The following MICU3 variants were observed in gnomAD, a reference collection of about 807,000 sequenced individuals.
MICU3 encodes the protein mitochondrial calcium uptake 3.
MICU3 carries 62 observed loss-of-function variants against 66.5 expected under a neutral mutation model. The ratio of observed to expected loss-of-function variants is 0.93; its 90% CI spans 0.76 to 1.15. The LOEUF (loss-of-function observed/expected upper bound fraction) is 1.15, where lower values mean the gene tolerates loss of function less well. Among genes scored for constraint, MICU3 ranks in the 50% most tolerant of loss-of-function variants. MICU3 has a pLI of 0.00. For synonymous variants in MICU3, 308 were observed against 240.7 expected (o/e 1.28, Z -2.59); for missense variants, 779 against 664.4 (o/e 1.17, Z -1.90).
intron 2 of MICU3, among the ~76,000 whole-genome samples, chr8:17,067,430 AT>A (rs148975949): frequency 0.15 from 22,628 of 146,060 alleles, 2,184 homozygotes; most frequent in East Asian, 0.38. Flanking sequence ...CATAGCCATG[AT>A]TTTTTTTTTT....
At chr8:17,049,682 A>C (rs1815726557) in intron 1 of MICU3, 2 of 511,632 alleles carry the variant, frequency 3.9e-6, no homozygotes, top group Non-Finnish European at 7.8e-6. Flanking sequence ...TAATGTGAAA[A>C]AACACTGGGT....
chr8:17,032,475 G>T (rs181608521), intron 1 of MICU3, among the ~76,000 whole-genome samples: 5 of 151,802 alleles, frequency 3.3e-5, no homozygotes, highest in African/African-American at 1.2e-4. Flanking sequence ...TGATTTGTTC[G>T]CCTTAAAAAG....
intron 1 of MICU3, among the ~76,000 whole-genome samples, chr8:17,046,241 A>G (rs566749226): frequency 6.3e-4 from 96 of 152,236 alleles, no homozygotes; most frequent in Non-Finnish European, 5.9e-5. Flanking sequence ...ATCTAGCACT[A>G]TCTCCAGGTA....
At chr8:17,038,952 C>CAA (rs57441494) in intron 1 of MICU3, among the ~76,000 whole-genome samples, 2 of 120,142 alleles carry the variant, frequency 1.7e-5, no homozygotes, top group Non-Finnish European at 1.9e-5. Context: ...GACTCTGTCT[C>CAA]AAAAAAAAAA....
chr8:17,068,774 AT>A (rs1819095561), intron 2 of MICU3, among the ~76,000 whole-genome samples: 1 of 152,156 alleles, frequency 6.6e-6, no homozygotes, highest in Non-Finnish European at 1.5e-5. Flanking sequence ...GTAATTTTGA[AT>A]TTGATATATT....
At chr8:17,050,920 T>G (rs914550104) in intron 1 of MICU3, among the ~76,000 whole-genome samples, 2 of 152,190 alleles carry the variant, frequency 1.3e-5, no homozygotes, top group African/African-American at 4.8e-5. Context: ...TTTTGCTGTG[T>G]TATTATGAGC....
chr8:17,137,447 G>C, the MICU3 span, among the ~76,000 whole-genome samples: 6 of 149,056 alleles, frequency 4.0e-5, no homozygotes, highest in African/African-American at 1.5e-4. Context: ...GACAAGTTGA[G>C]AGAGACAGAC....
At chr8:17,036,128 T>G (rs1812935782) in intron 1 of MICU3, among the ~76,000 whole-genome samples, 1 of 152,132 alleles carries the variant, frequency 6.6e-6, no homozygotes, top group East Asian at 1.9e-4. Flanking sequence ...GTTCGGAGTT[T>G]CTTCCTTCTG....
the MICU3 span, among the ~76,000 whole-genome samples, chr8:17,136,697 A>G: frequency 6.6e-6 from 1 of 151,922 alleles, no homozygotes; most frequent in Non-Finnish European, 1.5e-5. Context: ...GGGTGCAGGT[A>G]TAGATAGGAG....
chr8:17,052,019 C>T (rs1296343491), intron 1 of MICU3, among the ~76,000 whole-genome samples: 2 of 152,058 alleles, frequency 1.3e-5, no homozygotes, highest in Non-Finnish European at 2.9e-5. Context: ...GAACCAAAGT[C>T]TGAATAGGCA....
intron 2 of MICU3, among the ~76,000 whole-genome samples, chr8:17,065,492 T>G (rs1218217701): frequency 6.6e-6 from 1 of 152,084 alleles, no homozygotes; most frequent in African/African-American, 2.4e-5. Context: ...GACTAGGCCT[T>G]GAGGAATTTC....
intron 12 of MICU3, among the ~76,000 whole-genome samples, chr8:17,115,187 C>G (rs955125326): frequency 4.6e-5 from 7 of 151,808 alleles, no homozygotes; most frequent in African/African-American, 1.7e-4. Flanking sequence ...ACTGCAGTCC[C>G]TAAGTGCTGA....
intron 11 of MICU3, among the ~76,000 whole-genome samples, chr8:17,113,630 T>C (rs1042313335): frequency 3.3e-5 from 5 of 152,246 alleles, no homozygotes; most frequent in Non-Finnish European, 4.4e-5. Context: ...TGATTTTGCA[T>C]TGTCATTATA....
chr8:17,059,908 TC>T (rs1294770020), intron 1 of MICU3, among the ~76,000 whole-genome samples: 1 of 152,184 alleles, frequency 6.6e-6, no homozygotes, highest in Non-Finnish European at 1.5e-5. Flanking sequence ...CGATCAATTC[TC>T]CCAAAATTTA....
chr8:17,129,999 G>C, the MICU3 span, among the ~76,000 whole-genome samples: 1 of 152,114 alleles, frequency 6.6e-6, no homozygotes, highest in Non-Finnish European at 1.5e-5. Context: ...AACTGGAATA[G>C]TATATTCAGT....
chr8:17,110,047 A>G (rs1377717460), intron 11 of MICU3, among the ~76,000 whole-genome samples: 1 of 152,232 alleles, frequency 6.6e-6, no homozygotes, highest in Non-Finnish European at 1.5e-5. Context: ...AGTTACCAAT[A>G]AACTTTGAAC....
intron 1 of MICU3, among the ~76,000 whole-genome samples, chr8:17,050,755 T>A (rs771253412): frequency 6.6e-6 from 1 of 152,220 alleles, no homozygotes. Flanking sequence ...CTTAATTCCA[T>A]GTATTTTTTA....
intron 1 of MICU3, among the ~76,000 whole-genome samples, chr8:17,058,346 A>T (rs986171083): frequency 6.6e-6 from 1 of 152,176 alleles, no homozygotes; most frequent in Non-Finnish European, 1.5e-5. Flanking sequence ...TATTCCTAGT[A>T]ATATAAGGAT....
intron 1 of MICU3, among the ~76,000 whole-genome samples, chr8:17,033,681 C>T (rs1812472101): frequency 6.6e-6 from 1 of 152,248 alleles, no homozygotes; most frequent in East Asian, 1.9e-4. Flanking sequence ...TCGTGATTTG[C>T]CCGACTTGGC....
Sources: gnomAD v4.1 joint callset for allele counts (sites outside exome capture counted in the v4.1 genomes callset) on GRCh38, gnomAD v4.1.1 for gene constraint, MANE v1.5 for transcripts, NCBI Gene and HGNC (gene_info 2026-07-23, HGNC 2026-07-21) for gene names.